INTS6: variants seen among roughly 807,000 people sequenced by gnomAD.
The protein encoded by INTS6 is integrator complex subunit 6.
In INTS6, 16 loss-of-function variants were observed where a neutral mutation model predicts 104.9. The observed-to-expected ratio is 0.15, with a 90% CI of 0.10 to 0.23. The LOEUF is 0.23. Ranked by LOEUF, INTS6 falls within the 10% of genes least tolerant of loss-of-function variation. The probability of loss-of-function intolerance (pLI) is 1.00; values close to 1 mark genes in which losing one functional copy is unlikely to be tolerated. For missense variants in INTS6, 584 were observed against 1,062.8 expected (o/e 0.55, Z 6.26); for synonymous variants, 324 against 358.7 (o/e 0.90, Z 1.09).
intron 4 of INTS6, among the ~76,000 whole-genome samples, chr13:51,413,688 T>C (rs983887663): frequency 6.6e-6 from 1 of 152,170 alleles, no homozygotes; most frequent in Non-Finnish European, 1.5e-5. Context: ...GAAAAAAATA[T>C]TTCCTAGCTC....
exon 4 of INTS6, chr13:51,354,227 G>A (rs1385664892): frequency 6.6e-6 from 1 of 151,894 alleles, no homozygotes; most frequent in Admixed American, 6.6e-5. Flanking sequence ...TAGGTGACTA[G>A]AGCATGGGCT....
At chr13:51,346,885 G>A in the INTS6 span, 1 of 633,612 alleles carries the variant, frequency 1.6e-6, no homozygotes, top group Non-Finnish European at 2.8e-6. Flanking sequence ...GATATTGTAA[G>A]ATGAAGAGAG....
intron 4 of INTS6, among the ~76,000 whole-genome samples, chr13:51,411,446 G>A (rs1366468414): frequency 1.3e-5 from 2 of 151,430 alleles, no homozygotes; most frequent in Non-Finnish European, 2.9e-5. Context: ...CCAGCTACCC[G>A]GGAGGCTGAG....
intron 17 of INTS6, 77 bp from the exon 18 acceptor site, chr13:51,365,922 G>T: frequency 1.3e-6 from 1 of 780,660 alleles, no homozygotes; most frequent in South Asian, 2.4e-5. Context: ...TTTAAGAAAG[G>T]AGAGAAAATT....
intron 4 of INTS6, among the ~76,000 whole-genome samples, chr13:51,404,690 C>G (rs1956525937): frequency 6.6e-6 from 1 of 152,132 alleles, no homozygotes; most frequent in Non-Finnish European, 1.5e-5. Context: ...ATATAAAAAA[C>G]TTGACCATAT....
intron 4 of INTS6, among the ~76,000 whole-genome samples, chr13:51,415,155 T>G (rs1449991704): frequency 1.3e-5 from 2 of 151,592 alleles, no homozygotes; most frequent in Non-Finnish European, 2.9e-5. Context: ...ATGTACTAAA[T>G]GGCACAGAAC....
chr13:51,355,108 T>G, intron 3 of INTS6: 1 of 1,548,640 alleles, frequency 6.5e-7, no homozygotes, highest in Middle Eastern at 1.7e-4. Flanking sequence ...ACCGATCTTT[T>G]TGATCCACTC....
chr13:51,350,124 C>T (rs1056391059), downstream of INTS6, among the ~76,000 whole-genome samples: 4 of 151,988 alleles, frequency 2.6e-5, no homozygotes, highest in African/African-American at 4.8e-5. Flanking sequence ...AGGCATTTTT[C>T]GTTTAACAAG....
intron 3 of INTS6, chr13:51,444,870 T>C (rs1333780102): frequency 6.6e-6 from 1 of 151,190 alleles, no homozygotes; most frequent in African/African-American, 2.4e-5. Context: ...GAGTATAAAA[T>C]TCTGAAGAAA....
intron 15 of INTS6, among the ~76,000 whole-genome samples, chr13:51,369,829 C>CT (rs1417697757): frequency 5.9e-5 from 9 of 152,110 alleles, no homozygotes. Flanking sequence ...TACAGTATAC[C>CT]TTCTAACTAG....
chr13:51,380,319 G>T (rs1013877915), intron 10 of INTS6, among the ~76,000 whole-genome samples: 2 of 152,116 alleles, frequency 1.3e-5, no homozygotes, highest in Non-Finnish European at 2.9e-5. Flanking sequence ...TCACTAGCAA[G>T]AGTGTCTAGC....
Position 51,452,060 on chromosome 13 carries a change from G to A in INTS6, c.112-5C>T, listed in dbSNP as rs1214089561. 2 of 1,609,324 alleles carry A rather than the reference G, an allele frequency of 1.2e-6. No individual in the cohort carries two copies. The highest frequency in any genetic ancestry group is 1.1e-5 in the South Asian group (1 of 90,938). On this transcript the variant is annotated splice_region_variant and splice_polypyrimidine_tract_variant and intron_variant, in intron 1 of 17. Coordinates refer to ENST00000311234, the MANE Select transcript of INTS6 (RefSeq NM_012141.3). This position sits in a 1 kb window ranked among gnomAD's most constrained non-coding sequence, Gnocchi z 4.2. ...GGCAGGGTCCCGGGCACGGAGCTGC[G>A]GGACGGGAGGAGGAACAGGGCGGGC...
chr13:51,341,052 C>A, the INTS6 span: 5 of 1,601,512 alleles, frequency 3.1e-6, no homozygotes, highest in South Asian at 5.6e-5. Context: ...GCCTACCCTG[C>A]ATCTCTTCCC....
At chr13:51,336,256 G>A in the INTS6 span, among the ~76,000 whole-genome samples, 1 of 152,194 alleles carries the variant, frequency 6.6e-6, no homozygotes, top group African/African-American at 2.4e-5. Flanking sequence ...GGGAGACTGA[G>A]GCAGGCAGAT....
At chr13:51,440,761 A>G (rs1229205888) in intron 3 of INTS6, 1 of 152,204 alleles carries the variant, frequency 6.6e-6, no homozygotes, top group Non-Finnish European at 1.5e-5. Context: ...CATATACCAT[A>G]TAGCCTAGGG....
intron 7 of INTS6, chr13:51,384,638 T>C (rs765781932): frequency 4.4e-6 from 2 of 456,656 alleles, no homozygotes; most frequent in South Asian, 3.1e-5. Flanking sequence ...CTACAAAACC[T>C]GTTCTAAAAA....
downstream of INTS6, among the ~76,000 whole-genome samples, chr13:51,350,539 C>A (rs189902338): frequency 1.9e-3 from 294 of 152,172 alleles, 1 homozygote; most frequent in African/African-American, 6.5e-3. Flanking sequence ...CCACCAGATC[C>A]CACATATTCA....
chr13:51,407,382 G>A (rs1014552345), intron 4 of INTS6, among the ~76,000 whole-genome samples: 5 of 152,202 alleles, frequency 3.3e-5, no homozygotes, highest in African/African-American at 1.2e-4. Context: ...GTGAACAGTA[G>A]AGTAATACAC....
In INTS6 at chr13:51,364,459, T is replaced by C. The variant is rs1955646786; in HGVS notation, c.*1293A>G. ...TTAAATGTTATAAGTTTATTTTGCC[T>C]ACTCTTAATCCAAATCTATTTTGAC... On this transcript the variant is annotated 3_prime_UTR_variant, in exon 18 of 18. Coordinates refer to ENST00000311234, the MANE Select transcript of INTS6 (RefSeq NM_012141.3). The C allele has an allele frequency of 6.0e-6, 3 of 504,068 alleles. No homozygotes were observed. Among genetic ancestry groups the C allele is most frequent in the Admixed American group, 3.7e-5 (1 of 27,234 alleles). 31.2% of individuals were successfully genotyped at this position (504,068 alleles called of 1,614,324 possible). A position where few individuals can be genotyped will look rare whatever the true frequency, so the allele number is the denominator to read the frequency against.
Sources: gnomAD v4.1 joint callset for allele counts (sites outside exome capture counted in the v4.1 genomes callset) on GRCh38, gnomAD v4.1.1 for gene constraint, Gnocchi (gnomAD v3.1) non-coding constraint, MANE v1.5 for transcripts, NCBI Gene and HGNC (gene_info 2026-07-23, HGNC 2026-07-21) for gene names.